Variants in FHIT observed in about 807,000 individuals in gnomAD.
FHIT encodes the protein fragile histidine triad diadenosine triphosphatase, also known as bis(5'-adenosyl)-triphosphatase.
Under a neutral mutation model 17.9 loss-of-function variants are expected in FHIT, and 19 were observed. The observed-to-expected ratio is 1.06, with a 90% CI of 0.74 to 1.56. The LOEUF (loss-of-function observed/expected upper bound fraction) is 1.56, where lower values mean the gene tolerates loss of function less well. Among genes scored for constraint, FHIT ranks in the 40% most tolerant of loss-of-function variants. The probability of loss-of-function intolerance (pLI) is 0.00; values close to 1 mark genes in which losing one functional copy is unlikely to be tolerated. For synonymous variants in FHIT, 81 were observed against 69.7 expected, an observed-to-expected ratio of 1.16 and a Z score of -0.81; for missense variants, 248 against 189.2, an observed-to-expected ratio of 1.31 and a Z score of -1.82.
At chr3:60,162,192 C>T (rs943722770) in intron 5 of FHIT, among the ~76,000 whole-genome samples, 22 of 152,074 alleles carry the variant, frequency 1.4e-4, no homozygotes, top group Admixed American at 5.2e-4. Context: ...GAGGGCATTA[C>T]GTTTTAGGTT....
chr3:59,853,712 C>T (rs938780941), intron 8 of FHIT, among the ~76,000 whole-genome samples: 1 of 152,098 alleles, frequency 6.6e-6, no homozygotes, highest in African/African-American at 2.4e-5. Context: ...GTGACAGACA[C>T]ATATGCAGAC....
chr3:59,905,590 G>T (rs918367439), intron 8 of FHIT, among the ~76,000 whole-genome samples: 1 of 152,098 alleles, frequency 6.6e-6, no homozygotes, highest in South Asian at 2.1e-4. Flanking sequence ...AATAAACTCA[G>T]ATTTTAAAAA....
At chr3:60,553,120 G>C (rs76200451) in intron 4 of FHIT, among the ~76,000 whole-genome samples, 15,842 of 152,004 alleles carry the variant, frequency 0.1, 1,048 homozygotes, top group South Asian at 0.22. Context: ...TAATTATCTT[G>C]CTTTTATTAA....
At chr3:61,025,650 C>A (rs1436081540) in intron 3 of FHIT, among the ~76,000 whole-genome samples, 1 of 152,178 alleles carries the variant, frequency 6.6e-6, no homozygotes, top group Non-Finnish European at 1.5e-5. Context: ...ACCATCTAAA[C>A]TTTGACTCTC....
At chr3:60,435,473 A>C (rs2030137643) in intron 5 of FHIT, among the ~76,000 whole-genome samples, 1 of 152,056 alleles carries the variant, frequency 6.6e-6, no homozygotes, top group Admixed American at 6.6e-5. Context: ...TTGATTTATG[A>C]AGAATGGTGC....
At chr3:60,961,041 T>C (rs1553780592) in intron 3 of FHIT, among the ~76,000 whole-genome samples, 2 of 152,244 alleles carry the variant, frequency 1.3e-5, no homozygotes, top group African/African-American at 4.8e-5. Flanking sequence ...TAGTTTACAG[T>C]CCCACCAACA....
At chr3:60,016,087 TATGAAGACAC>T (rs1700333872) in intron 5 of FHIT, among the ~76,000 whole-genome samples, 1 of 152,216 alleles carries the variant, frequency 6.6e-6, no homozygotes, top group Non-Finnish European at 1.5e-5. Flanking sequence ...ATACATAGGC[TATGAAGACAC>T]ATTTACTTCT....
At chr3:59,809,498 AG>A (rs1456549848) in intron 8 of FHIT, among the ~76,000 whole-genome samples, 4 of 152,230 alleles carry the variant, frequency 2.6e-5, no homozygotes, top group Non-Finnish European at 5.9e-5. Flanking sequence ...AATTTGTTAC[AG>A]CAGTCCTAGG....
chr3:59,784,755 A>G (rs1488427718), intron 8 of FHIT, among the ~76,000 whole-genome samples: 2 of 152,214 alleles, frequency 1.3e-5, no homozygotes, highest in Non-Finnish European at 2.9e-5. Flanking sequence ...CTTGTGTTAG[A>G]AAAGAACAAG....
intron 5 of FHIT, among the ~76,000 whole-genome samples, chr3:60,396,091 A>T (rs1397568212): frequency 4.4e-4 from 67 of 152,164 alleles, no homozygotes. Flanking sequence ...GCTACCCAGA[A>T]CTACCCCCAT....
At chr3:59,959,706 G>A (rs1430013192) in intron 7 of FHIT, among the ~76,000 whole-genome samples, 1 of 152,176 alleles carries the variant, frequency 6.6e-6, no homozygotes, top group African/African-American at 2.4e-5. Flanking sequence ...GCCTCACAGT[G>A]TTCACAGTCT....
intron 5 of FHIT, among the ~76,000 whole-genome samples, chr3:60,460,348 C>T (rs568560174): frequency 2.0e-5 from 3 of 151,874 alleles, no homozygotes; most frequent in Non-Finnish European, 4.4e-5. Context: ...TAATAACCAA[C>T]CATGGGAATC....
chr3:60,677,129 G>A (rs1195365482), intron 4 of FHIT, among the ~76,000 whole-genome samples: 1 of 152,022 alleles, frequency 6.6e-6, no homozygotes, highest in Admixed American at 6.6e-5. Context: ...TGCCCGCCTG[G>A]GCCTCCCAAA....
chr3:61,046,280 A>G (rs538622087), intron 2 of FHIT, among the ~76,000 whole-genome samples: 2 of 152,318 alleles, frequency 1.3e-5, no homozygotes, highest in South Asian at 4.1e-4. Flanking sequence ...AGAATCAAAT[A>G]GACACAATAA....
intron 5 of FHIT, among the ~76,000 whole-genome samples, chr3:60,405,089 ATAGGGG>A (rs1429955662): frequency 6.6e-6 from 1 of 152,172 alleles, no homozygotes; most frequent in Admixed American, 6.5e-5. Context: ...GGAAGATGGG[ATAGGGG>A]TAGGTACCAG....
At chr3:60,016,437 G>A (rs9883950) in intron 5 of FHIT, among the ~76,000 whole-genome samples, 72 of 152,256 alleles carry the variant, frequency 4.7e-4, no homozygotes, top group Admixed American at 2.0e-3. Flanking sequence ...AAATTGGGGA[G>A]TGATTTAACC....
chr3:60,010,930 G>C (rs1398845353), intron 7 of FHIT, among the ~76,000 whole-genome samples: 1 of 152,140 alleles, frequency 6.6e-6, no homozygotes, highest in Non-Finnish European at 1.5e-5. Context: ...GAGGCAGCTT[G>C]ATGCTACTGC....
intron 5 of FHIT, among the ~76,000 whole-genome samples, chr3:60,518,876 G>A (rs1165388655): frequency 6.6e-6 from 1 of 152,108 alleles, no homozygotes; most frequent in Non-Finnish European, 1.5e-5. Flanking sequence ...GGGCATGGTG[G>A]CCTGTAATCC....
At chr3:60,910,329 AGAG>A (rs1309475838) in intron 3 of FHIT, among the ~76,000 whole-genome samples, 1 of 152,142 alleles carries the variant, frequency 6.6e-6, no homozygotes, top group Non-Finnish European at 1.5e-5. Context: ...CACATGGAGA[AGAG>A]GAGGACTGTG....
Sources: allele counts gnomAD v4.1 joint callset (sites outside exome capture counted in the v4.1 genomes callset), GRCh38; gene constraint gnomAD v4.1.1; transcripts MANE v1.5; gene names NCBI Gene and HGNC (gene_info 2026-07-23, HGNC 2026-07-21).